ANKRD24: variants seen among roughly 807,000 people sequenced by gnomAD.
ANKRD24 encodes the protein ankyrin repeat domain 24.
In ANKRD24, 109 loss-of-function variants were observed where a neutral mutation model predicts 127.8. That is an observed-to-expected ratio of 0.85 (90% CI 0.73 to 1.00). The LOEUF (loss-of-function observed/expected upper bound fraction) is 1.00, where lower values mean the gene tolerates loss of function less well. Among genes scored for constraint, ANKRD24 ranks in the 50% least tolerant of loss-of-function variants. The pLI is 0.00. For missense variants in ANKRD24, 1,648 were observed against 1,570.2 expected, an observed-to-expected ratio of 1.05 and a Z score of -0.84; for synonymous variants, 743 against 671.1, an observed-to-expected ratio of 1.11 and a Z score of -1.66.
At chr19:4,197,096 C>T (rs985071428) in intron 2 of ANKRD24, among the ~76,000 whole-genome samples, 40 of 152,126 alleles carry the variant, frequency 2.6e-4, no homozygotes, top group Admixed American at 9.2e-4. Flanking sequence ...GGTAACCCTC[C>T]GCAGTAGGAA....
intron 2 of ANKRD24, among the ~76,000 whole-genome samples, chr19:4,188,378 AT>A (rs34131628): frequency 0.32 from 26,414 of 83,248 alleles, 2,382 homozygotes; most frequent in Non-Finnish European, 0.39. Context: ...CGCTTGGTCC[AT>A]TTTTTTTTTT....
intron 7 of ANKRD24, among the ~76,000 whole-genome samples, chr19:4,204,875 G>A (rs116361773): frequency 0.042 from 6,429 of 152,268 alleles, 365 homozygotes; most frequent in African/African-American, 0.13. Flanking sequence ...GCCCAGGCGG[G>A]CAGATTAGCA....
intron 19 of ANKRD24, 70 bp from the exon 20 acceptor site, chr19:4,222,598 TGC>T: frequency 6.9e-7 from 1 of 1,457,084 alleles, no homozygotes; most frequent in Non-Finnish European, 9.2e-7. Flanking sequence ...GGCCTCTTCC[TGC>T]GGCTGCAGAG....
chr19:4,207,400 CTG>C (rs980377303), intron 8 of ANKRD24, 88 bp downstream of exon 8: 47 of 1,580,630 alleles, frequency 3.0e-5, no homozygotes, highest in Non-Finnish European at 4.0e-5. Context: ...CTTTGAAAGT[CTG>C]AGAAAGTTTG....
At position 4,199,666 on chromosome 19, in the gene ANKRD24, A is replaced by AC; in HGVS notation, c.37-15dup. The AC allele has an allele frequency of 6.6e-7, 1 of 1,520,058 alleles. No individual in the cohort carries two copies. The highest frequency in any genetic ancestry group is 1.2e-5 in the South Asian group (1 of 81,646). 94.2% of individuals were successfully genotyped at this position (1,520,058 alleles called of 1,614,324 possible). On this transcript the variant is annotated splice_polypyrimidine_tract_variant and intron_variant, in intron 2 of 21. Transcript: ENST00000318934. The surrounding 1 kb of genome is among the most constrained non-coding windows in gnomAD (Gnocchi z 5.2). The stretch of plus-strand genomic sequence containing the variant: ...CTGTCTGAGGACCCCCTCGCCCAGG[A>AC]CCACCTCCCCCTGCAGCTGCGGCTC...
rs533115261 is a variant in ANKRD24, at chr19:4,200,110, G to A, written c.282G>A (p.Ala94=). The A allele has an allele frequency of 3.4e-5, 55 of 1,603,886 alleles. 1 individual carries two copies. The highest frequency in any genetic ancestry group is 1.2e-4 in the South Asian group (11 of 89,044). The part of the protein sequence containing the change: ...SAFHLAAMRG[A]ASCLEVMIAH... ...TCCACCTGGCGGCCATGCGGGGTGC[G>A]GCCAGCTGTCTGGAGGTGATGATAG... is the stretch of plus-strand genomic sequence containing the variant. The change falls in exon 5 of 22, where the codon GCG becomes GCA. Residue 94 remains alanine, a synonymous_variant. Transcript: ENST00000318934.
In ANKRD24 at chr19:4,223,622, G is replaced by A. The variant is rs563412001; in HGVS notation, c.3298-505G>A. On this transcript the variant is annotated intron_variant, in intron 20 of 21. Coordinates refer to ENST00000318934, the MANE Select transcript of ANKRD24 (RefSeq NM_001393985.1). Reference sequence around the variant, plus strand: ...ACTTTGTCACTCAGGCTGGAGTGCAGTGCACGATCTCAGCTCACTGCAACC... The same window carrying A: ...ACTTTGTCACTCAGGCTGGAGTGCAATGCACGATCTCAGCTCACTGCAACC... Among the ~76,000 whole-genome samples, 12 of 151,148 alleles carry A rather than the reference G, an allele frequency of 7.9e-5. No individual in the cohort carries two copies. In the East Asian group the frequency reaches 2.1e-3, roughly 27 times the overall value.
intron 2 of ANKRD24, among the ~76,000 whole-genome samples, chr19:4,197,654 C>T (rs1568319800): frequency 6.6e-6 from 1 of 151,016 alleles, no homozygotes; most frequent in Non-Finnish European, 1.5e-5. Context: ...AGTAAATGAA[C>T]GAATGAATGA....
Position 4,202,094 on chromosome 19 carries a change from A to C in ANKRD24, c.408+4A>C. On this transcript the variant is annotated splice_donor_region_variant and intron_variant, in intron 6 of 21. Transcript: ENST00000318934. ...GTGCTTGAAGCAACTACTGCAGGTCATTTACTGTCTTATCTCAGCTACTCC... is the reference window on the plus strand; with the variant it reads ...GTGCTTGAAGCAACTACTGCAGGTCCTTTACTGTCTTATCTCAGCTACTCC... The C allele has an allele frequency of 6.2e-7, 1 of 1,613,548 alleles. No homozygotes were observed. Among genetic ancestry groups the C allele is most frequent in the Non-Finnish European group, 8.5e-7 (1 of 1,179,654 alleles).
chr19:4,212,452 C>T, intron 13 of ANKRD24, 23 bp from the exon 14 acceptor site: 2 of 1,574,500 alleles, frequency 1.3e-6, no homozygotes, highest in Non-Finnish European at 1.7e-6. Context: ...GATCCAAACC[C>T]CTGTCCCTGT....
In ANKRD24 at chr19:4,217,267, G is replaced by T; in HGVS notation, c.2107G>T (p.Gly703Trp). The T allele has an allele frequency of 6.4e-7, 1 of 1,567,934 alleles. No homozygotes were observed. Residue 703 changes from glycine (G) to tryptophan (W), a missense_variant, in exon 18 of 22, where the codon GGG becomes TGG. Transcript: ENST00000318934. ...CCCAGGGGTAGAGGCCACGGTCCCG[G>T]GGATCTCTGCTGGCCCCATCCTACA... ...ENPGVEATVP[G>W]ISAGPILHPG... is the part of the protein sequence containing the mutation.
At chr19:4,197,594 CCAAT>C (rs1968820782) in intron 2 of ANKRD24, among the ~76,000 whole-genome samples, 1 of 151,472 alleles carries the variant, frequency 6.6e-6, no homozygotes, top group Non-Finnish European at 1.5e-5. Flanking sequence ...ATGGGTGAGA[CCAAT>C]GAATGAATGA....
chr19:4,202,783 C>T, intron 6 of ANKRD24, 86 bp from the exon 7 acceptor site: 1 of 1,405,640 alleles, frequency 7.1e-7, no homozygotes. Flanking sequence ...TGAAGTATAG[C>T]AGAGCCCAGG....
chr19:4,202,164 C>A, intron 6 of ANKRD24, 74 bp downstream of exon 6: 1 of 1,360,822 alleles, frequency 7.3e-7, no homozygotes. Context: ...CTTGAACCCC[C>A]AGATGCTCTA....
At chr19:4,214,489 G>T (rs1969947553) in intron 15 of ANKRD24, among the ~76,000 whole-genome samples, 1 of 152,048 alleles carries the variant, frequency 6.6e-6, no homozygotes, top group African/African-American at 2.4e-5. Context: ...TATACATATA[G>T]AAAACCATAC....
intron 13 of ANKRD24, among the ~76,000 whole-genome samples, chr19:4,211,772 C>T (rs191455931): frequency 3.2e-4 from 48 of 152,234 alleles, no homozygotes; most frequent in African/African-American, 1.1e-3. Context: ...TGCATACTGG[C>T]ACACACAGCA....
chr19:4,216,341 C>A lies in ANKRD24; in HGVS notation c.1328C>A (p.Ser443Ter). The change falls in exon 17 of 22, where the codon TCG becomes TAG. Residue 443 changes from serine to a stop codon, truncating the protein, a stop_gained. Coordinates refer to ENST00000318934, the MANE Select transcript of ANKRD24 (RefSeq NM_001393985.1). LOFTEE classifies it high-confidence loss of function. ...LSPSAQEHLASLQEQVAVLTR... is the reference protein window; with the variant it reads ...LSPSAQEHLA ...CCGTCGGCCCAGGAACACCTGGCCTCGCTGCAGGAACAGGTGGCTGTGCTC... is the reference window on the plus strand; with the variant it reads ...CCGTCGGCCCAGGAACACCTGGCCTAGCTGCAGGAACAGGTGGCTGTGCTC... The A allele has an allele frequency of 1.3e-6, 2 of 1,571,444 alleles. No individual in the cohort carries two copies. Among genetic ancestry groups the A allele is most frequent in the Non-Finnish European group, 8.6e-7 (1 of 1,158,580 alleles).
chr19:4,224,676 C>A lies in ANKRD24; in HGVS notation c.*171C>A, dbSNP rs1970643135. 1 of 659,504 alleles carries A rather than the reference C, an allele frequency of 1.5e-6. No individual in the cohort carries two copies. The highest frequency in any genetic ancestry group is 2.7e-6 in the Non-Finnish European group (1 of 374,480). 40.9% of individuals were successfully genotyped at this position (659,504 alleles called of 1,614,324 possible). ...CCACCCCCAGCTGGCTCCATCACCC[C>A]ACCTGGTCTCTGCACGCACACACTG... On this transcript the variant is annotated 3_prime_UTR_variant, in exon 22 of 22. Coordinates refer to ENST00000318934, the MANE Select transcript of ANKRD24 (RefSeq NM_001393985.1).
At position 4,198,456 on chromosome 19, in the gene ANKRD24, AACCCCGTGC is replaced by A. The variant is rs778214202; in HGVS notation, c.37-1226_37-1218del. 2 of 610,574 alleles carry A rather than the reference AACCCCGTGC, an allele frequency of 3.3e-6. No homozygotes were observed. Among genetic ancestry groups the A allele is most frequent in the South Asian group, 3.5e-5 (2 of 57,042 alleles). The allele number at this position is 610,574 out of a possible 1,614,324, so 37.8% of individuals were successfully genotyped here. A position where few individuals can be genotyped will look rare whatever the true frequency, so the allele number is the denominator to read the frequency against. On this transcript the variant is annotated intron_variant, in intron 2 of 21. Coordinates refer to ENST00000318934, the MANE Select transcript of ANKRD24 (RefSeq NM_001393985.1). This position sits in a 1 kb window ranked among gnomAD's most constrained non-coding sequence, Gnocchi z 6.1. ...CCCTCTGGCCGCCGCCTCCTCTTGG[AACCCCGTGC>A]GCCCCCCGCGCCCCGCGCCCCGGAC...
Sources: gnomAD v4.1 joint callset for allele counts (sites outside exome capture counted in the v4.1 genomes callset) on GRCh38, gnomAD v4.1.1 for gene constraint, Gnocchi (gnomAD v3.1) non-coding constraint, MANE v1.5 for transcripts, NCBI Gene and HGNC (gene_info 2026-07-23, HGNC 2026-07-21) for gene names.